C8orf34: variants seen among roughly 807,000 people sequenced by gnomAD.
The protein encoded by C8orf34 is uncharacterized protein C8orf34.
C8orf34 carries 65 observed loss-of-function variants against 68.3 expected under a neutral mutation model. The ratio of observed to expected loss-of-function variants is 0.95; its 90% CI spans 0.78 to 1.17. The LOEUF (loss-of-function observed/expected upper bound fraction) is 1.17. C8orf34 is among the 50% of genes most tolerant of loss of function. The probability of loss-of-function intolerance (pLI) is 0.00; values close to 1 mark genes in which losing one functional copy is unlikely to be tolerated. For synonymous variants in C8orf34, 244 were observed against 241.2 expected, an observed-to-expected ratio of 1.01 and a Z score of -0.11; for missense variants, 664 against 655.4, an observed-to-expected ratio of 1.01 and a Z score of -0.14.
intron 10 of C8orf34, among the ~76,000 whole-genome samples, chr8:68,776,046 C>A (rs1823505612): frequency 6.6e-6 from 1 of 152,138 alleles, no homozygotes. Context: ...ATAGCTAATG[C>A]ATGCAGAGCT....
chr8:68,697,450 T>C (rs958237825), intron 8 of C8orf34, among the ~76,000 whole-genome samples: 2 of 152,136 alleles, frequency 1.3e-5, no homozygotes, highest in African/African-American at 4.8e-5. Context: ...TTTCCCCTCA[T>C]GTGTCTTCTC....
chr8:68,629,870 T>C (rs1282880890), intron 7 of C8orf34, among the ~76,000 whole-genome samples: 2 of 152,014 alleles, frequency 1.3e-5, no homozygotes, highest in African/African-American at 4.8e-5. Context: ...TGTGTATGTG[T>C]GTACAAAGTG....
At chr8:68,399,120 C>A (rs1586055559) in intron 1 of C8orf34, among the ~76,000 whole-genome samples, 1 of 152,042 alleles carries the variant, frequency 6.6e-6, no homozygotes, top group East Asian at 1.9e-4. Flanking sequence ...AAGTCAGTGC[C>A]AGTTAGTCCT....
At chr8:68,335,672 G>T (rs1024193152) in intron 1 of C8orf34, among the ~76,000 whole-genome samples, 1 of 151,984 alleles carries the variant, frequency 6.6e-6, no homozygotes, top group Non-Finnish European at 1.5e-5. Flanking sequence ...TTTTCATGCA[G>T]CTTTTAAATA....
At chr8:68,636,202 A>T (rs1420922663) in intron 7 of C8orf34, among the ~76,000 whole-genome samples, 1 of 152,032 alleles carries the variant, frequency 6.6e-6, no homozygotes, top group Non-Finnish European at 1.5e-5. Context: ...GGGTGAAACG[A>T]GGGAAACTGA....
At chr8:68,754,791 T>C (rs930638602) in intron 10 of C8orf34, among the ~76,000 whole-genome samples, 1 of 152,224 alleles carries the variant, frequency 6.6e-6, no homozygotes, top group Non-Finnish European at 1.5e-5. Context: ...TAGAATTGTT[T>C]ATATAAAATG....
intron 4 of C8orf34, among the ~76,000 whole-genome samples, chr8:68,484,326 A>G (rs1812985173): frequency 6.6e-6 from 1 of 152,180 alleles, no homozygotes. Flanking sequence ...CCTCACCTCT[A>G]ACATTGGGGA....
At position 68,782,266 on chromosome 8, in the gene C8orf34, C is replaced by T. The variant is rs182970478; in HGVS notation, c.1456-5177C>T. Among the ~76,000 whole-genome samples, 160 of 152,150 alleles carry T rather than the reference C, an allele frequency of 1.1e-3. 1 individual carries two copies. Among genetic ancestry groups the T allele is most frequent in the African/African-American group, 3.8e-3 (156 of 41,534 alleles). ...GAAATTTTACTTCTGTTATCTTCTA[C>T]ATAGTTATGGAGTTTTAAATCTACA... On this transcript the variant is annotated intron_variant, in intron 11 of 13. Coordinates refer to ENST00000518698, the MANE Select transcript of C8orf34 (RefSeq NM_052958.4).
rs149576130 is a variant in C8orf34 at position 68,432,695 on chromosome 8, G to T, written c.328-6804G>T. ...TTTAGGGCAGGTGTGGATCTGAGGT[G>T]GAGGAAGGTTGAACCACTAGGGGAC... On this transcript the variant is annotated intron_variant, in intron 1 of 13. Transcript: ENST00000518698. 2.1e-3 allele frequency among the ~76,000 whole-genome samples: 325 copies of T among 152,178 alleles called. 1 individual carries two copies. The highest frequency in any genetic ancestry group is 7.4e-3 in the African/African-American group (308 of 41,502).
chr8:68,432,507 C>T (rs1810490598), intron 1 of C8orf34, among the ~76,000 whole-genome samples: 1 of 151,890 alleles, frequency 6.6e-6, no homozygotes, highest in Non-Finnish European at 1.5e-5. Flanking sequence ...AGGGTTTCAC[C>T]ATGTTGGTCA....
At chr8:68,586,463 C>CT (rs1817213271) in intron 7 of C8orf34, among the ~76,000 whole-genome samples, 1 of 152,126 alleles carries the variant, frequency 6.6e-6, no homozygotes, top group Admixed American at 6.6e-5. Context: ...CATCTCTCTA[C>CT]TTTGTGAGGG....
intron 7 of C8orf34, among the ~76,000 whole-genome samples, chr8:68,630,018 A>G (rs761982875): frequency 1.1e-4 from 17 of 152,128 alleles, no homozygotes; most frequent in Admixed American, 3.3e-4. Flanking sequence ...TTGTCAATAA[A>G]TGTATTCTTC....
intron 7 of C8orf34, among the ~76,000 whole-genome samples, chr8:68,638,722 A>G (rs1188154124): frequency 6.6e-6 from 1 of 151,998 alleles, no homozygotes; most frequent in East Asian, 1.9e-4. Flanking sequence ...GATGACTCCC[A>G]TGAAGTTGAG....
intron 5 of C8orf34, among the ~76,000 whole-genome samples, chr8:68,494,952 A>G (rs1413442553): frequency 6.6e-6 from 1 of 151,340 alleles, no homozygotes; most frequent in Non-Finnish European, 1.5e-5. Context: ...GTGTGCGTGT[A>G]TATGTATATA....
intron 8 of C8orf34, among the ~76,000 whole-genome samples, chr8:68,650,448 CG>C (rs1201551100): frequency 6.8e-6 from 1 of 147,024 alleles, no homozygotes; most frequent in East Asian, 2.0e-4. Flanking sequence ...TTGCATCGAG[CG>C]GGAAAAGGCT....
At chr8:68,588,590 G>C (rs994620305) in intron 7 of C8orf34, among the ~76,000 whole-genome samples, 1 of 152,136 alleles carries the variant, frequency 6.6e-6, no homozygotes, top group Admixed American at 6.6e-5. Flanking sequence ...TAGCAACCCA[G>C]TCGAATGAGG....
rs1419827517 is a variant in C8orf34 at position 68,592,151 on chromosome 8, A to ATTT, written c.1106-48221_1106-48219dup. ...ATGTCTCCATTTATTTTATAGAGAT[A>ATTT]TTTTTTCTTTCATCCTCTATTCACA... On this transcript the variant is annotated intron_variant, in intron 7 of 13. Coordinates refer to ENST00000518698, the MANE Select transcript of C8orf34 (RefSeq NM_052958.4). Among the ~76,000 whole-genome samples the ATTT allele has an allele frequency of 2.0e-5, 3 of 151,988 alleles. No individual in the cohort carries two copies. In the East Asian group the frequency reaches 5.8e-4, roughly 29 times the overall value.
At chr8:68,602,029 A>G (rs189184874) in intron 7 of C8orf34, among the ~76,000 whole-genome samples, 474 of 152,168 alleles carry the variant, frequency 3.1e-3, no homozygotes, top group Non-Finnish European at 5.4e-3. Flanking sequence ...ATTGCCTCCA[A>G]TGAGGAGAGC....
chr8:68,630,860 G>A (rs1034699307), intron 7 of C8orf34, among the ~76,000 whole-genome samples: 5 of 151,378 alleles, frequency 3.3e-5, no homozygotes, highest in Admixed American at 2.6e-4. Flanking sequence ...GCTCACTGCA[G>A]CCTCAACCTC....
Sources: gnomAD v4.1 joint callset for allele counts (sites outside exome capture counted in the v4.1 genomes callset) on GRCh38, gnomAD v4.1.1 for gene constraint, MANE v1.5 for transcripts, NCBI Gene and HGNC (gene_info 2026-07-23, HGNC 2026-07-21) for gene names.